ZEB2: variants seen among roughly 807,000 people sequenced by gnomAD.
ZEB2 encodes zinc finger E-box-binding homeobox 2.
In ZEB2, 6 loss-of-function variants were observed where a neutral mutation model predicts 99.9. The observed-to-expected ratio is 0.06, with a 90% CI of 0.03 to 0.12. The LOEUF (loss-of-function observed/expected upper bound fraction) is 0.12, where lower values mean the gene tolerates loss of function less well. Among genes scored for constraint, ZEB2 ranks in the 10% least tolerant of loss-of-function variants. The pLI is 1.00. For missense variants in ZEB2, 969 were observed against 1,502.8 expected, an observed-to-expected ratio of 0.64 and a Z score of 5.87; for synonymous variants, 517 against 542.5, an observed-to-expected ratio of 0.95 and a Z score of 0.65.
intron 2 of ZEB2, chr2:144,512,782 A>G (rs1359000945): frequency 1.6e-6 from 2 of 1,287,110 alleles, no homozygotes; most frequent in Admixed American, 2.3e-5. Context: ...CTAGATACAT[A>G]GCCCCCAGCC....
intron 2 of ZEB2, among the ~76,000 whole-genome samples, chr2:144,510,771 C>A (rs570405812): frequency 6.6e-6 from 1 of 152,002 alleles, no homozygotes; most frequent in South Asian, 2.1e-4. Context: ...GCAAATGGAG[C>A]CTGCCGGCGG....
At chr2:144,430,691 A>G (rs1012062912) in intron 2 of ZEB2, 8 of 163,514 alleles carry the variant, frequency 4.9e-5, no homozygotes, top group Non-Finnish European at 1.5e-5. Context: ...TCATAATTAC[A>G]GAAGATTTCA....
intron 9 of ZEB2, among the ~76,000 whole-genome samples, chr2:144,391,711 T>A (rs940211031): frequency 6.6e-6 from 1 of 152,180 alleles, no homozygotes; most frequent in African/African-American, 2.4e-5. Context: ...ATGTTATGAA[T>A]TTGGTCTCAC....
intron 2 of ZEB2, among the ~76,000 whole-genome samples, chr2:144,455,850 T>C (rs1222771125): frequency 6.6e-6 from 1 of 152,114 alleles, no homozygotes; most frequent in Non-Finnish European, 1.5e-5. Context: ...CAAGAAGCCA[T>C]TATTATTACT....
chr2:144,401,681 A>C (rs1329160697), intron 6 of ZEB2, among the ~76,000 whole-genome samples: 1 of 152,244 alleles, frequency 6.6e-6, no homozygotes, highest in Non-Finnish European at 1.5e-5. Context: ...AATTCTGTCA[A>C]GAAAAAAATA....
intron 2 of ZEB2, among the ~76,000 whole-genome samples, chr2:144,501,481 T>C (rs1268975534): frequency 2.0e-5 from 3 of 152,218 alleles, no homozygotes; most frequent in Non-Finnish European, 2.9e-5. Flanking sequence ...GAACAGTTCA[T>C]TAAAAGGTGA....
rs185223937 is a variant in ZEB2 at position 144,398,421 on chromosome 2, T to A, written c.2766A>T (p.Pro922=). The stretch of plus-strand genomic sequence containing the variant: ...AGCTCATCTGATCCAGTCCTGGGTA[T>A]GGTCGTAGCCCAGGAATACTGGTCT... ...PVQTSIPGLR[P]YPGLDQMSFL... The change falls in exon 8 of 10, where the codon CCA becomes CCT. Residue 922 remains proline, a synonymous_variant. Coordinates refer to ENST00000627532, the MANE Select transcript of ZEB2 (RefSeq NM_014795.4). 2.6e-5 allele frequency: 42 copies of A among 1,614,142 alleles called. No homozygotes were observed. The Admixed American group carries it at 4.5e-4, about 17-fold the overall frequency.
rs772764893 is a variant in ZEB2 at position 144,389,645 on chromosome 2, G to T, written c.3451C>A (p.Leu1151Met). The change falls in exon 10 of 10, where the codon CTG becomes ATG. Residue 1151 changes from leucine to methionine, a missense_variant. Around this residue, in one of 8 missense-constraint regions of ZEB2, gnomAD observed 121 missense variants for 166.4 expected, o/e 0.73. Transcript: ENST00000627532. This position sits in a 1 kb window ranked among gnomAD's most constrained non-coding sequence, Gnocchi z 6.8. Reference protein sequence around the residue: ...EKEGEDGYGKLGRQDGDEEFE... With the variant: ...EKEGEDGYGKMGRQDGDEEFE... ...TCCTCGTCGCCATCCTGTCTGCCCA[G>T]CTTCCCGTAGCCATCCTCGCCTTCT... The T allele has an allele frequency of 6.2e-6, 10 of 1,613,836 alleles. No individual in the cohort carries two copies. The African/African-American group carries it at 9.4e-5, about 15-fold the overall frequency.
chr2:144,480,182 TGGCTCCCCATA>T (rs1321927583), intron 2 of ZEB2, among the ~76,000 whole-genome samples: 1 of 152,172 alleles, frequency 6.6e-6, no homozygotes, highest in Non-Finnish European at 1.5e-5. Context: ...AGTGATATTA[TGGCTCCCCATA>T]AAAACTTTTT....
At chr2:144,394,248 C>T (rs1703191063) in intron 9 of ZEB2, 1 of 152,128 alleles carries the variant, frequency 6.6e-6, no homozygotes, top group Non-Finnish European at 1.5e-5. Context: ...ATAAATTATG[C>T]ATATTTGTGT....
intron 2 of ZEB2, among the ~76,000 whole-genome samples, chr2:144,447,889 T>C (rs1704007042): frequency 6.6e-6 from 1 of 152,202 alleles, no homozygotes; most frequent in South Asian, 2.1e-4. Context: ...GATGCTTCAA[T>C]TTGAATCCAG....
At chr2:144,426,004 A>G (rs1336142595) in intron 3 of ZEB2, among the ~76,000 whole-genome samples, 3 of 152,166 alleles carry the variant, frequency 2.0e-5, no homozygotes, top group Non-Finnish European at 2.9e-5. Context: ...AAAATAAAAT[A>G]TATTTTACAA....
chr2:144,423,689 G>A (rs76618065), intron 4 of ZEB2, among the ~76,000 whole-genome samples: 34 of 152,074 alleles, frequency 2.2e-4, no homozygotes, highest in East Asian at 1.2e-3. Flanking sequence ...GACATTATTC[G>A]AATGAATAGA....
At chr2:144,457,172 T>C (rs1704131798) in intron 2 of ZEB2, among the ~76,000 whole-genome samples, 2 of 152,184 alleles carry the variant, frequency 1.3e-5, no homozygotes, top group South Asian at 4.1e-4. Flanking sequence ...TATATAATAA[T>C]ACCTGGATTT....
intron 2 of ZEB2, among the ~76,000 whole-genome samples, chr2:144,452,260 G>A (rs368810585): frequency 1.9e-4 from 29 of 152,160 alleles, no homozygotes; most frequent in African/African-American, 6.3e-4. Context: ...ACAAGTTTCC[G>A]ATAACTTTTC....
At chr2:144,473,268 G>A (rs1704383763) in intron 2 of ZEB2, among the ~76,000 whole-genome samples, 1 of 152,144 alleles carries the variant, frequency 6.6e-6, no homozygotes, top group Non-Finnish European at 1.5e-5. Context: ...ACGATAGGGT[G>A]GTATTTCCCA....
In ZEB2 at chr2:144,386,091, T is replaced by C. The variant is rs1307860059; in HGVS notation, c.*3360A>G. The C allele has an allele frequency of 3.3e-5, 5 of 152,286 alleles. No homozygotes were observed. The highest frequency in any genetic ancestry group is 1.2e-4 in the African/African-American group (5 of 41,548). 9.4% of individuals were successfully genotyped at this position (152,286 alleles called of 1,614,324 possible). On this transcript the variant is annotated 3_prime_UTR_variant, in exon 10 of 10. Coordinates refer to ENST00000627532, the MANE Select transcript of ZEB2 (RefSeq NM_014795.4). ...AGATATGCTAGAATACAAAAGGCTC[T>C]TGGAGAAAATGGGCAGGGGTGTTCA... is the stretch of plus-strand genomic sequence containing the variant.
At chr2:144,518,525 G>C (rs1429376586) in intron 1 of ZEB2, 1 of 152,100 alleles carries the variant, frequency 6.6e-6, no homozygotes, top group Non-Finnish European at 1.5e-5. Context: ...CAGTCCCCAC[G>C]CCCCACACCT....
At chr2:144,507,805 G>A (rs1415123506) in intron 2 of ZEB2, among the ~76,000 whole-genome samples, 1 of 152,148 alleles carries the variant, frequency 6.6e-6, no homozygotes, top group Non-Finnish European at 1.5e-5. Context: ...AATATGCGCA[G>A]TTACTGTTGC....
Sources: gnomAD v4.1 joint callset for allele counts (sites outside exome capture counted in the v4.1 genomes callset) on GRCh38, gnomAD v4.1.1 for gene constraint, gnomAD v4.1.1 regional missense constraint, Gnocchi (gnomAD v3.1) non-coding constraint, MANE v1.5 for transcripts, NCBI Gene and HGNC (gene_info 2026-07-23, HGNC 2026-07-21) for gene names.